The following APBB2 variants were observed in gnomAD, a reference collection of about 807,000 sequenced individuals.
The protein encoded by APBB2 is Fe65-like 1.
In APBB2, 38 loss-of-function variants were observed where a neutral mutation model predicts 82.5. The ratio of observed to expected loss-of-function variants is 0.46; its 90% confidence interval spans 0.36 to 0.60. APBB2 has a LOEUF of 0.60. Among genes scored for constraint, APBB2 ranks in the 20% least tolerant of loss-of-function variants. APBB2 has a pLI of 0.00. For synonymous variants in APBB2, 341 were observed against 368.2 expected (o/e 0.93, Z 0.85); for missense variants, 772 against 972.3 (o/e 0.79, Z 2.74).
At chr4:40,844,048 G>C (rs1756763670) in intron 12 of APBB2, among the ~76,000 whole-genome samples, 1 of 152,180 alleles carries the variant, frequency 6.6e-6, no homozygotes, top group African/African-American at 2.4e-5. Context: ...AAGAACCTAG[G>C]GTTTTAGAGG....
At position 41,196,413 on chromosome 4, in the gene APBB2, G is replaced by A; in HGVS notation, c.-417+17992C>T. On this transcript the variant is annotated intron_variant, in intron 1 of 17. Transcript: ENST00000508593. ...CTGGATGAATACATAGGTAACCTTT[G>A]CCCAGCCACTTATTATCGCAAAGAT... Among the ~76,000 whole-genome samples, 3 of 152,078 alleles carry A rather than the reference G, an allele frequency of 2.0e-5. No homozygotes were observed. The South Asian group carries it at 6.2e-4, about 32-fold the overall frequency.
chr4:40,964,421 T>C (rs1042110133), intron 6 of APBB2, among the ~76,000 whole-genome samples: 3 of 148,048 alleles, frequency 2.0e-5, no homozygotes, highest in Admixed American at 2.0e-4. Flanking sequence ...TAAAATTATA[T>C]CCATACATTC....
chr4:40,827,290 A>C lies in APBB2; in HGVS notation c.1645-71T>G, dbSNP rs1179715300. 4 of 1,382,636 alleles carry C rather than the reference A, an allele frequency of 2.9e-6. No individual in the cohort carries two copies. The Admixed American group carries it at 6.8e-5, about 24-fold the overall frequency. The allele number at this position is 1,382,636 out of a possible 1,614,324, so 85.6% of individuals were successfully genotyped here. ...ATGTCTTCAGCTATTCCAGCCTGTA[A>C]AGTGTCTAGGTTGACTTCACTTCCA... On this transcript the variant is annotated intron_variant, in intron 13 of 17. Coordinates refer to ENST00000508593, the MANE Select transcript of APBB2 (RefSeq NM_004307.2).
chr4:41,112,187 G>C (rs531679329), intron 2 of APBB2, among the ~76,000 whole-genome samples: 19 of 152,316 alleles, frequency 1.2e-4, no homozygotes, highest in African/African-American at 4.1e-4. Context: ...GAGATCATTA[G>C]GAAAAGGCAA....
At position 40,900,756 on chromosome 4, in the gene APBB2, C is replaced by CT. The variant is rs71988912; in HGVS notation, c.1255-7346dup. 5.8e-3 allele frequency among the ~76,000 whole-genome samples: 753 copies of CT among 130,084 alleles called. 1 individual carries two copies. The highest frequency in any genetic ancestry group is 6.7e-3 in the Non-Finnish European group (409 of 61,042). 85.3% of individuals were successfully genotyped at this position (130,084 alleles called of 152,430 possible). A position where few individuals can be genotyped will look rare whatever the true frequency, so the allele number is the denominator to read the frequency against. On this transcript the variant is annotated intron_variant, in intron 10 of 17. Transcript: ENST00000508593. ...ACAGGTGTGAGTCACTGAGCCCGGGCTTTTTTTTTTTTTTTTTTAATTCAG... is the reference window on the plus strand; with the variant it reads ...ACAGGTGTGAGTCACTGAGCCCGGGCTTTTTTTTTTTTTTTTTTTAATTCAG...
At chr4:41,174,377 G>A (rs539634398) in intron 1 of APBB2, among the ~76,000 whole-genome samples, 51 of 152,250 alleles carry the variant, frequency 3.3e-4, no homozygotes, top group African/African-American at 1.2e-3. Flanking sequence ...GTTTACACAA[G>A]AGAGGCTCCC....
intron 6 of APBB2, among the ~76,000 whole-genome samples, chr4:40,996,142 A>T (rs544426040): frequency 6.6e-6 from 1 of 152,210 alleles, no homozygotes; most frequent in Non-Finnish European, 1.5e-5. Context: ...ACTTTACTGT[A>T]GAGAACTAGA....
At chr4:41,017,319 T>G (rs2154431562) in intron 5 of APBB2, among the ~76,000 whole-genome samples, 1 of 152,346 alleles carries the variant, frequency 6.6e-6, no homozygotes, top group East Asian at 1.9e-4. Context: ...GCAGCCAAGC[T>G]AATCCCATGA....
intron 3 of APBB2, among the ~76,000 whole-genome samples, chr4:41,084,383 C>A (rs1738859702): frequency 6.6e-6 from 1 of 151,992 alleles, no homozygotes. Context: ...GAGATCACAC[C>A]ATTGCATTCC....
At chr4:41,133,026 T>C (rs1756504666) in intron 2 of APBB2, among the ~76,000 whole-genome samples, 1 of 152,090 alleles carries the variant, frequency 6.6e-6, no homozygotes, top group Admixed American at 6.5e-5. Flanking sequence ...TGTACATCTT[T>C]TTCAGGGAAA....
chr4:40,877,467 T>C (rs1361834743), intron 12 of APBB2, among the ~76,000 whole-genome samples: 1 of 152,028 alleles, frequency 6.6e-6, no homozygotes, highest in Non-Finnish European at 1.5e-5. Context: ...TAAAGGCAGG[T>C]CATGTAGGGG....
chr4:41,034,773 T>C (rs1438752789), intron 4 of APBB2, among the ~76,000 whole-genome samples: 1 of 152,248 alleles, frequency 6.6e-6, no homozygotes, highest in Non-Finnish European at 1.5e-5. Flanking sequence ...TGCATTTACA[T>C]GGAAAATTTC....
At chr4:41,040,365 T>C (rs1720882101) in intron 4 of APBB2, among the ~76,000 whole-genome samples, 1 of 152,202 alleles carries the variant, frequency 6.6e-6, no homozygotes, top group Non-Finnish European at 1.5e-5. Flanking sequence ...AGTACTTCTA[T>C]CAGATGACTC....
chr4:41,077,278 T>C (rs150760258), intron 3 of APBB2, among the ~76,000 whole-genome samples: 318 of 151,568 alleles, frequency 2.1e-3, no homozygotes, highest in African/African-American at 7.2e-3. Context: ...CTGAGAATGC[T>C]GGGATTACAG....
chr4:40,859,808 TTTC>T (rs138326666), intron 12 of APBB2, among the ~76,000 whole-genome samples: 164 of 152,258 alleles, frequency 1.1e-3, no homozygotes, highest in Non-Finnish European at 1.9e-3. Context: ...CCAGTCCCCT[TTTC>T]TTCTTCCAGT....
chr4:41,057,113 GAC>G (rs1728100677), intron 4 of APBB2, among the ~76,000 whole-genome samples: 1 of 152,168 alleles, frequency 6.6e-6, no homozygotes, highest in African/African-American at 2.4e-5. Flanking sequence ...AATCAAAAAA[GAC>G]AGACTAAAAA....
At chr4:40,911,461 T>C (rs1778530625) in intron 10 of APBB2, among the ~76,000 whole-genome samples, 2 of 152,222 alleles carry the variant, frequency 1.3e-5, no homozygotes, top group African/African-American at 4.8e-5. Context: ...AATCCTGATC[T>C]AAGCCATGCC....
intron 2 of APBB2, among the ~76,000 whole-genome samples, chr4:41,115,916 G>A (rs1014350016): frequency 5.3e-5 from 8 of 152,092 alleles, no homozygotes; most frequent in African/African-American, 1.4e-4. Context: ...GCGATTCCTC[G>A]AGGATCTAGA....
intron 1 of APBB2, among the ~76,000 whole-genome samples, chr4:41,204,260 C>T (rs902447968): frequency 6.6e-6 from 1 of 152,210 alleles, no homozygotes; most frequent in African/African-American, 2.4e-5. Flanking sequence ...CAAGGAGCCC[C>T]TGAAGAGTTG....
Sources: gnomAD v4.1 joint callset for allele counts (sites outside exome capture counted in the v4.1 genomes callset) on GRCh38, gnomAD v4.1.1 for gene constraint, MANE v1.5 for transcripts, NCBI Gene and HGNC (gene_info 2026-07-23, HGNC 2026-07-21) for gene names.